Variants in CBX2 observed in about 807,000 individuals in gnomAD.
The protein encoded by CBX2 is chromobox 2.
A neutral mutation model predicts 21.0 loss-of-function variants in CBX2; 11 were observed. The observed-to-expected ratio is 0.52, with a 90% CI of 0.33 to 0.87. The LOEUF is 0.87. Among genes scored for constraint, CBX2 ranks in the 40% least tolerant of loss-of-function variants. The pLI is 0.02. For missense variants in CBX2, 746 were observed against 724.3 expected (o/e 1.03, Z -0.34); for synonymous variants, 364 against 304.6 (o/e 1.19, Z -2.03).
rs200696279 is a variant in CBX2, at chr17:79,782,149, G to A, written c.288+348G>A. The A allele has an allele frequency of 3.7e-6, 6 of 1,612,820 alleles. No homozygotes were observed. The East Asian group carries it at 1.3e-4, about 36-fold the overall frequency. ...AGGAACAGGAAGCATGCGTACAGTA[G>A]GTGCTCATAGGATTGCCGGCTGGAT... On this transcript the variant is annotated intron_variant, in intron 4 of 4. Transcript: ENST00000310942.
chr17:79,781,738 G>A lies in CBX2; in HGVS notation c.225G>A (p.Arg75=). The A allele has an allele frequency of 6.2e-7, 1 of 1,614,092 alleles. No individual in the cohort carries two copies. The highest frequency in any genetic ancestry group is 1.1e-5 in the South Asian group (1 of 91,090). ...TGCAGAACCGGAAGAGAGGCAAGAG[G>A]CCGAGAGGCCGGCCAAGGAAGCTCA... ...KEVQNRKRGK[R]PRGRPRKLTA... is the part of the protein sequence containing the mutation. Residue 75 remains arginine (R), a synonymous_variant, in exon 4 of 5, where the codon AGG becomes AGA. Coordinates refer to ENST00000310942, the MANE Select transcript of CBX2 (RefSeq NM_005189.3).
chr17:79,781,425 G>C (rs1276572437), intron 3 of CBX2, among the ~76,000 whole-genome samples: 1 of 152,190 alleles, frequency 6.6e-6, no homozygotes, highest in Non-Finnish European at 1.5e-5. Flanking sequence ...GCTGTCTTAA[G>C]TCAGAGAATA....
At position 79,784,420 on chromosome 17, in the gene CBX2, G is replaced by C. The variant is rs782696333; in HGVS notation, c.977G>C (p.Gly326Ala). ...GAGCAGAAAGTGGGGAACACAGGGG[G>C]CCCCCCGCACACCCATGGTGCCAGC... ...AVEQKVGNTGGPPHTHGASRV... is the reference protein window; with the variant it reads ...AVEQKVGNTGAPPHTHGASRV... Residue 326 changes from glycine to alanine, a missense_variant, in exon 5 of 5, where the codon GGC (glycine) becomes GCC (alanine). Transcript: ENST00000310942. The surrounding 1 kb of genome is among the most constrained non-coding windows in gnomAD (Gnocchi z 5.9). The C allele has an allele frequency of 9.3e-6, 15 of 1,611,538 alleles. No individual in the cohort carries two copies. The South Asian group carries it at 1.2e-4, about 13-fold the overall frequency.
In CBX2 at chr17:79,778,326, G is replaced by GC; in HGVS notation, c.72+25dup. ...CCGCAAGGTGCGTGCGGCCCGCCGGGCCCCCCGCCCGCCGCCCGCTGTCCG... is the reference window on the plus strand; with the variant it reads ...CCGCAAGGTGCGTGCGGCCCGCCGGGCCCCCCCGCCCGCCGCCCGCTGTCCG... On this transcript the variant is annotated intron_variant, in intron 1 of 4. Coordinates refer to ENST00000310942, the MANE Select transcript of CBX2 (RefSeq NM_005189.3). The surrounding 1 kb of genome is among the most constrained non-coding windows in gnomAD (Gnocchi z 4.8). 1.9e-6 allele frequency: 3 copies of GC among 1,562,444 alleles called. No individual in the cohort carries two copies. Among genetic ancestry groups the GC allele is most frequent in the Non-Finnish European group, 8.6e-7 (1 of 1,159,264 alleles).
intron 4 of CBX2, 87 bp from the exon 5 acceptor site, chr17:79,783,645 G>A: frequency 1.7e-6 from 2 of 1,173,542 alleles, no homozygotes; most frequent in East Asian, 2.6e-5. Flanking sequence ...CCTGACCTCA[G>A]GTGATCCACC....
At chr17:79,782,102 AG>A in intron 4 of CBX2, 2 of 1,613,394 alleles carry the variant, frequency 1.2e-6, no homozygotes, top group Middle Eastern at 1.7e-4. Flanking sequence ...CTTCCCTCCC[AG>A]GGGGTCCTTG....
At chr17:79,779,912 G>T (rs985323843) in intron 3 of CBX2, among the ~76,000 whole-genome samples, 1 of 152,254 alleles carries the variant, frequency 6.6e-6, no homozygotes, top group Non-Finnish European at 1.5e-5. Context: ...CTATTGTGAT[G>T]TCTCTCTCAA....
chr17:79,784,887 A>AC lies in CBX2; in HGVS notation c.1444_1445insC (p.Asn482ThrfsTer75). ...CGCCTCGCCGCCCAGCACTGGACAGAACCCGTCAGTGTCCGTTCAGACCAG... is the reference window on the plus strand; with the variant it reads ...CGCCTCGCCGCCCAGCACTGGACAGACACCCGTCAGTGTCCGTTCAGACCAG... On this transcript the variant is annotated frameshift_variant, in exon 5 of 5. Transcript: ENST00000310942. LOFTEE classifies it high-confidence loss of function. The surrounding 1 kb of genome is among the most constrained non-coding windows in gnomAD (Gnocchi z 5.9). 1 of 1,613,520 alleles carries AC rather than the reference A, an allele frequency of 6.2e-7. No individual in the cohort carries two copies. Among genetic ancestry groups the AC allele is most frequent in the Non-Finnish European group, 8.5e-7 (1 of 1,180,018 alleles).
intron 2 of CBX2, 143 bp from the exon 3 acceptor site, chr17:79,779,219 G>A (rs1906974813): frequency 2.5e-6 from 2 of 803,962 alleles, no homozygotes; most frequent in Middle Eastern, 3.2e-4. Context: ...CCTGGGTTTG[G>A]ACTTTGAGAA....
At chr17:79,781,982 C>A in intron 4 of CBX2, 181 bp downstream of exon 4, 1 of 1,614,170 alleles carries the variant, frequency 6.2e-7, no homozygotes, top group South Asian at 1.1e-5. Context: ...CTGCCAGGGG[C>A]CCCAGCCGGC....
At chr17:79,782,125 G>A (rs1555830504) in intron 4 of CBX2, 5 of 1,613,004 alleles carry the variant, frequency 3.1e-6, no homozygotes, top group Non-Finnish European at 4.2e-6. Context: ...GGGACGGAAA[G>A]GAACAGGAAG....
chr17:79,777,475 G>A (rs367630306), upstream of CBX2, among the ~76,000 whole-genome samples: 17 of 152,326 alleles, frequency 1.1e-4, no homozygotes, highest in African/African-American at 3.8e-4. Flanking sequence ...CGGGCAGTTC[G>A]TATTACTTCT....
At chr17:79,779,687 T>A (rs1174113720) in intron 3 of CBX2, 1 of 529,118 alleles carries the variant, frequency 1.9e-6, no homozygotes, top group African/African-American at 1.9e-5. Flanking sequence ...CCGACAGCCA[T>A]ACTTGCAAAA....
chr17:79,781,834 C>T (rs1555830355), intron 4 of CBX2, 33 bp downstream of exon 4: 1 of 1,614,026 alleles, frequency 6.2e-7, no homozygotes, highest in South Asian at 1.1e-5. Flanking sequence ...CTGACCCCAC[C>T]TCCCAGCACC....
chr17:79,781,883 C>T (rs1555830389), intron 4 of CBX2, 82 bp downstream of exon 4: 2 of 1,614,190 alleles, frequency 1.2e-6, no homozygotes, highest in Middle Eastern at 1.6e-4. Context: ...GGGTTTGGGG[C>T]CCTCAGGAAG....
In CBX2 at chr17:79,778,569, C is replaced by G. The variant is rs1906914658; in HGVS notation, c.116+142C>G. Reference sequence around the variant, plus strand: ...TTCGCGGGGTCCCCGCGGGCTCCTCCGGCTCTGAGGGGGGCGGGGGCCGCC... The same window carrying G: ...TTCGCGGGGTCCCCGCGGGCTCCTCGGGCTCTGAGGGGGGCGGGGGCCGCC... On this transcript the variant is annotated intron_variant, in intron 2 of 4. Transcript: ENST00000310942. This position sits in a 1 kb window ranked among gnomAD's most constrained non-coding sequence, Gnocchi z 4.8. 2.1e-6 allele frequency: 1 copy of G among 478,112 alleles called. No individual in the cohort carries two copies. Among genetic ancestry groups the G allele is most frequent in the Admixed American group, 4.6e-5 (1 of 21,948 alleles). 29.6% of individuals were successfully genotyped at this position (478,112 alleles called of 1,614,324 possible).
At chr17:79,781,203 C>T (rs1181910905) in intron 3 of CBX2, among the ~76,000 whole-genome samples, 5 of 152,130 alleles carry the variant, frequency 3.3e-5, no homozygotes, top group African/African-American at 4.8e-5. Flanking sequence ...TGCCAGCAGC[C>T]AGGCTCTGCG....
At position 79,782,248 on chromosome 17, in the gene CBX2, G is replaced by A. The variant is rs879950467; in HGVS notation, c.288+447G>A. ...GTGCACCTTAAATCGAGGTGGCCAC[G>A]AAAGGCAGGGCTGACTGAATAGCCA... is the stretch of plus-strand genomic sequence containing the variant. On this transcript the variant is annotated intron_variant, in intron 4 of 4. Transcript: ENST00000310942. 40 of 1,573,220 alleles carry A rather than the reference G, an allele frequency of 2.5e-5. No individual in the cohort carries two copies. In the South Asian group the frequency reaches 2.8e-4, roughly 11 times the overall value.
In CBX2 at chr17:79,778,699, T is replaced by C. The variant is rs1555829568; in HGVS notation, c.116+272T>C. Among the ~76,000 whole-genome samples the C allele has an allele frequency of 6.6e-6, 1 of 151,512 alleles. No homozygotes were observed. The highest frequency in any genetic ancestry group is 1.5e-5 in the Non-Finnish European group (1 of 67,864). ...CGCGCCGCGCTCCCCCCAACCCCCG[T>C]CCCGGCCGGGAGGGAGGCGCGGGAT... On this transcript the variant is annotated intron_variant, in intron 2 of 4. Coordinates refer to ENST00000310942, the MANE Select transcript of CBX2 (RefSeq NM_005189.3). This position sits in a 1 kb window ranked among gnomAD's most constrained non-coding sequence, Gnocchi z 4.8.
Sources: gnomAD v4.1 joint callset for allele counts (sites outside exome capture counted in the v4.1 genomes callset) on GRCh38, gnomAD v4.1.1 for gene constraint, Gnocchi (gnomAD v3.1) non-coding constraint, MANE v1.5 for transcripts, NCBI Gene and HGNC (gene_info 2026-07-23, HGNC 2026-07-21) for gene names.